Variants in ACE observed in about 807,000 individuals in gnomAD.
ACE encodes the protein angiotensin I converting enzyme.
Under a neutral mutation model 162.3 loss-of-function variants are expected in ACE, and 122 were observed. The ratio of observed to expected loss-of-function variants is 0.75; its 90% CI spans 0.65 to 0.87. ACE has a LOEUF of 0.87. Ranked by LOEUF, ACE falls within the 40% of genes least tolerant of loss-of-function variation. The probability of loss-of-function intolerance (pLI) is 0.00; values close to 1 mark genes in which losing one functional copy is unlikely to be tolerated. For synonymous variants in ACE, 796 were observed against 720.6 expected (o/e 1.10, Z -1.68); for missense variants, 1,799 against 1,735.1 (o/e 1.04, Z -0.65).
rs774352686 is a variant in ACE at position 63,496,750 on chromosome 17, A to G, written c.3504-48A>G. ...AGAGTGGATGTCAGGTGGGGGCAAG[A>G]GGGGCCATGTCCTTCTGACTCTGCC... On this transcript the variant is annotated intron_variant, in intron 23 of 24. Coordinates refer to ENST00000290866, the MANE Select transcript of ACE (RefSeq NM_000789.4). 3.1e-6 allele frequency: 5 copies of G among 1,606,532 alleles called. No homozygotes were observed. In the South Asian group the frequency reaches 4.4e-5, roughly 14 times the overall value.
At position 63,484,654 on chromosome 17, in the gene ACE, C is replaced by T. The variant is rs969826761; in HGVS notation, c.1921+113C>T. ...ACCAGCTGAGCCCTGGTACCCTGTCCTGGAGGGCCAGGCAGCCCCCCAAGC... is the reference window on the plus strand; with the variant it reads ...ACCAGCTGAGCCCTGGTACCCTGTCTTGGAGGGCCAGGCAGCCCCCCAAGC... On this transcript the variant is annotated intron_variant, in intron 12 of 24. Coordinates refer to ENST00000290866, the MANE Select transcript of ACE (RefSeq NM_000789.4). The surrounding 1 kb of genome is among the most constrained non-coding windows in gnomAD (Gnocchi z 4.0). The T allele has an allele frequency of 1.4e-6, 2 of 1,454,018 alleles. No individual in the cohort carries two copies. Among genetic ancestry groups the T allele is most frequent in the East Asian group, 2.5e-5 (1 of 40,378 alleles). The allele number at this position is 1,454,018 out of a possible 1,614,324, so 90.1% of individuals were successfully genotyped here.
intron 22 of ACE, among the ~76,000 whole-genome samples, chr17:63,494,758 G>A (rs1052770931): frequency 7.2e-5 from 11 of 152,336 alleles, no homozygotes; most frequent in Middle Eastern, 3.4e-3. Flanking sequence ...CATTAACCAC[G>A]ACTCATGGCT....
chr17:63,483,976 G>C lies in ACE; in HGVS notation c.1709+5G>C, dbSNP rs1198993903. On this transcript the variant is annotated splice_donor_5th_base_variant and intron_variant, in intron 11 of 24. Coordinates refer to ENST00000290866, the MANE Select transcript of ACE (RefSeq NM_000789.4). The stretch of plus-strand genomic sequence containing the variant: ...CAAGGCAGGGGCCAAGCTCCGGTGT[G>C]TGGTGGGAAGCCGGGGGAAGTGGGA... 2.5e-6 allele frequency: 4 copies of C among 1,612,540 alleles called. No homozygotes were observed. The highest frequency in any genetic ancestry group is 3.4e-6 in the Non-Finnish European group (4 of 1,179,434).
intron 7 of ACE, 65 bp downstream of exon 7, chr17:63,481,803 GC>G: frequency 6.2e-7 from 1 of 1,607,520 alleles, no homozygotes; most frequent in Non-Finnish European, 8.5e-7. Flanking sequence ...AAGGCAGGCA[GC>G]CCAGGCGCAG....
chr17:63,491,135 C>G lies in ACE; in HGVS notation c.2740-74C>G. 1 of 1,610,416 alleles carries G rather than the reference C, an allele frequency of 6.2e-7. No individual in the cohort carries two copies. Among genetic ancestry groups the G allele is most frequent in the Non-Finnish European group, 8.5e-7 (1 of 1,177,864 alleles). On this transcript the variant is annotated intron_variant, in intron 18 of 24. Transcript: ENST00000290866. This position sits in a 1 kb window ranked among gnomAD's most constrained non-coding sequence, Gnocchi z 4.4. ...AGGAGTTCCCTCCAGTTTAGCCCTC[C>G]CCCGGGATCCCCACGGCAGCACGCA...
In ACE at chr17:63,483,944, G is replaced by T. The variant is rs780299861; in HGVS notation, c.1682G>T (p.Arg561Leu). 5 of 1,614,018 alleles carry T rather than the reference G, an allele frequency of 3.1e-6. No individual in the cohort carries two copies. The highest frequency in any genetic ancestry group is 4.2e-6 in the Non-Finnish European group (5 of 1,179,986). ...EGPLHQCDIY[R>L]STKAGAKLRK... ...CCACTGCACCAGTGTGACATCTACCGGTCCACCAAGGCAGGGGCCAAGCTC... is the reference window on the plus strand; with the variant it reads ...CCACTGCACCAGTGTGACATCTACCTGTCCACCAAGGCAGGGGCCAAGCTC... Residue 561 changes from arginine to leucine, a missense_variant, in exon 11 of 25, where the codon CGG becomes CTG. Physicochemically the swap from Arg to Leu is moderately radical, Grantham distance 102. Transcript: ENST00000290866.
chr17:63,479,784 T>G lies in ACE; in HGVS notation c.527T>G (p.Leu176Arg). ...WSLDPDLTNI[L>R]ASSRSYAMLL... is the part of the protein sequence containing the mutation. ...TGTGTCTCAGATCTCACCAACATCC[T>G]GGCTTCCTCGCGAAGCTACGCCATG... Residue 176 changes from leucine to arginine, a missense_variant, in exon 4 of 25, where the codon CTG (leucine) becomes CGG (arginine). Physicochemically the swap from Leu to Arg is moderately radical, Grantham distance 102 (BLOSUM62 -2). Coordinates refer to ENST00000290866, the MANE Select transcript of ACE (RefSeq NM_000789.4). 1 of 1,613,390 alleles carries G rather than the reference T, an allele frequency of 6.2e-7. No homozygotes were observed. Among genetic ancestry groups the G allele is most frequent in the Non-Finnish European group, 8.5e-7 (1 of 1,180,018 alleles).
Position 63,484,522 on chromosome 17 carries a change from C to T in ACE, c.1902C>T (p.Asp634=). 6.2e-7 allele frequency: 1 copy of T among 1,611,890 alleles called. No homozygotes were observed. The highest frequency in any genetic ancestry group is 8.5e-7 in the Non-Finnish European group (1 of 1,179,776). The change falls in exon 12 of 25, where the codon GAC becomes GAT. Residue 634 remains aspartate, a synonymous_variant. Coordinates refer to ENST00000290866, the MANE Select transcript of ACE (RefSeq NM_000789.4). The surrounding 1 kb of genome is among the most constrained non-coding windows in gnomAD (Gnocchi z 4.0). ...ACCAGTGGCACCCGCCGTTGCCTGA[C>T]AACTACCCGGAGGGCATAGGTAAAG... ...PEYQWHPPLP[D]NYPEGIDLVT... is the part of the protein sequence containing the mutation.
intron 6 of ACE, 41 bp downstream of exon 6, chr17:63,481,229 G>A (rs1376760967): frequency 1.8e-6 from 2 of 1,093,824 alleles, no homozygotes; most frequent in Admixed American, 1.8e-5. Context: ...GGGGTCGGGG[G>A]TGGGGCGCAA....
chr17:63,484,544 A>G lies in ACE; in HGVS notation c.1921+3A>G, dbSNP rs765802593. On this transcript the variant is annotated splice_donor_region_variant and intron_variant, in intron 12 of 24. Coordinates refer to ENST00000290866, the MANE Select transcript of ACE (RefSeq NM_000789.4). This position sits in a 1 kb window ranked among gnomAD's most constrained non-coding sequence, Gnocchi z 4.0. ...TGACAACTACCCGGAGGGCATAGGT[A>G]AAGCCCTGAGTGAGGATGGTGTGGG... The G allele has an allele frequency of 1.2e-6, 2 of 1,609,780 alleles. No homozygotes were observed. The highest frequency in any genetic ancestry group is 1.1e-5 in the South Asian group (1 of 90,476).
chr17:63,495,493 T>G (rs2030672813), intron 22 of ACE, among the ~76,000 whole-genome samples: 1 of 152,208 alleles, frequency 6.6e-6, no homozygotes, highest in Admixed American at 6.5e-5. Context: ...CATCAAGTGC[T>G]AATAACTGAT....
At chr17:63,496,296 T>G (rs749076013) in intron 22 of ACE, 98 bp from the exon 23 acceptor site, 273 of 1,582,852 alleles carry the variant, frequency 1.7e-4, no homozygotes, top group Non-Finnish European at 2.3e-4. Context: ...GCATGTGACT[T>G]AGCACACATC....
rs762060056 is a variant in ACE at position 63,479,810 on chromosome 17, C to T, written c.553C>T (p.Leu185Phe). ...GGCTTCCTCGCGAAGCTACGCCATG[C>T]TCCTGTTTGCCTGGGAGGGCTGGCA... ...ILASSRSYAM[L>F]LFAWEGWHNA... The change falls in exon 4 of 25, where the codon CTC becomes TTC. Residue 185 changes from leucine to phenylalanine, a missense_variant. Leu to Phe is a conservative substitution (Grantham distance 22). Transcript: ENST00000290866. 8 of 1,613,336 alleles carry T rather than the reference C, an allele frequency of 5.0e-6. No individual in the cohort carries two copies.
At chr17:63,495,168 C>T (rs1044064616) in intron 22 of ACE, among the ~76,000 whole-genome samples, 3 of 152,242 alleles carry the variant, frequency 2.0e-5, no homozygotes, top group Non-Finnish European at 4.4e-5. Flanking sequence ...TGGAATGTAG[C>T]TGCACACTAG....
chr17:63,493,884 G>T, intron 20 of ACE, 38 bp from the exon 21 acceptor site: 1 of 1,614,114 alleles, frequency 6.2e-7, no homozygotes, highest in Non-Finnish European at 8.5e-7. Context: ...AAGCCGCTAG[G>T]ACCCTGGGTC....
rs772566779 is a variant in ACE at position 63,481,761 on chromosome 17, T to C, written c.1118+23T>C. On this transcript the variant is annotated intron_variant, in intron 7 of 24. Coordinates refer to ENST00000290866, the MANE Select transcript of ACE (RefSeq NM_000789.4). ...CAGGTTCAGACATGGGAAGAGCACG[T>C]TCTGGGGTTCCCCGGTTCTGGGGCC... The C allele has an allele frequency of 3.1e-6, 5 of 1,613,586 alleles. No individual in the cohort carries two copies. The East Asian group carries it at 8.9e-5, about 29-fold the overall frequency.
intron 7 of ACE, among the ~76,000 whole-genome samples, chr17:63,482,246 A>G (rs2049721763): frequency 6.6e-6 from 1 of 151,848 alleles, no homozygotes; most frequent in South Asian, 2.1e-4. Context: ...GGTTGCAGTG[A>G]GCTGAGATTG....
rs200623613 is a variant in ACE at position 63,481,202 on chromosome 17, T to C, written c.945+14T>C. The C allele has an allele frequency of 1.0e-5, 8 of 793,652 alleles. No individual in the cohort carries two copies. The East Asian group carries it at 3.5e-4, about 35-fold the overall frequency. 49.2% of individuals were successfully genotyped at this position (793,652 alleles called of 1,614,324 possible). On this transcript the variant is annotated intron_variant, in intron 6 of 24. Transcript: ENST00000290866. ...ATGCTGCAGCAGGTAAGCTCTGGGC[T>C]CAAGCCTGGGGTGGTGGGGGTCGGG...
At chr17:63,485,457 A>G (rs755423618) in intron 13 of ACE, 85 bp downstream of exon 13, 3 of 1,566,764 alleles carry the variant, frequency 1.9e-6, no homozygotes, top group Non-Finnish European at 8.7e-7. Context: ...TGGGGCTGCC[A>G]CCACATTTTA....
Sources: gnomAD v4.1 joint callset for allele counts (sites outside exome capture counted in the v4.1 genomes callset) on GRCh38, gnomAD v4.1.1 for gene constraint, Gnocchi (gnomAD v3.1) non-coding constraint, MANE v1.5 for transcripts, NCBI Gene and HGNC (gene_info 2026-07-23, HGNC 2026-07-21) for gene names.